The following ZFAT variants were observed in gnomAD, a reference collection of about 807,000 sequenced individuals.
ZFAT encodes zinc finger and AT-hook domain containing.
Under a neutral mutation model 117.7 loss-of-function variants are expected in ZFAT, and 64 were observed. The observed-to-expected ratio is 0.54, with a 90% confidence interval of 0.44 to 0.67. ZFAT has a LOEUF of 0.67. ZFAT is among the 30% of genes least tolerant of loss of function. The probability of loss-of-function intolerance (pLI) is 0.00; values close to 1 mark genes in which losing one functional copy is unlikely to be tolerated. For missense variants in ZFAT, 1,433 were observed against 1,584.5 expected (o/e 0.90, Z 1.62); for synonymous variants, 679 against 615.0 (o/e 1.10, Z -1.54).
chr8:134,658,939 C>T (rs1392152596), intron 1 of ZFAT, among the ~76,000 whole-genome samples: 1 of 152,228 alleles, frequency 6.6e-6, no homozygotes, highest in Non-Finnish European at 1.5e-5. Context: ...CCAGCAGACA[C>T]TCAGAAAGCA....
the ZFAT span, among the ~76,000 whole-genome samples, chr8:134,810,126 C>T: frequency 1.3e-5 from 2 of 152,258 alleles, no homozygotes; most frequent in East Asian, 1.9e-4. Context: ...TTCTATAGTG[C>T]GTTCCATGAT....
rs374372896 is a variant in ZFAT at position 134,602,298 on chromosome 8, C to A, written c.1421G>T (p.Arg474Leu). ...RKKFVSSIRL[R>L]THIKEVHGAA... ...CCCGTGCACCTCTTTGATGTGGGTG[C>A]GCAGCCTGATGGAGCTGACGAACTT... Residue 474 changes from arginine to leucine, a missense_variant, in exon 6 of 16, where the codon CGC becomes CTC. By Grantham distance (102) the Arg-to-Leu change is moderately radical. Transcript: ENST00000377838. 6.2e-6 allele frequency: 10 copies of A among 1,613,830 alleles called. No homozygotes were observed. Among genetic ancestry groups the A allele is most frequent in the Middle Eastern group, 1.6e-4 (1 of 6,084 alleles).
At chr8:134,588,131 A>G (rs1199059463) in intron 9 of ZFAT, 115 bp downstream of exon 9, 2 of 1,253,628 alleles carry the variant, frequency 1.6e-6, no homozygotes, top group Non-Finnish European at 2.2e-6. Flanking sequence ...CAGTGTGCTA[A>G]GGAAATTCTA....
the ZFAT span, among the ~76,000 whole-genome samples, chr8:134,831,327 G>A: frequency 1.3e-5 from 2 of 152,206 alleles, no homozygotes; most frequent in Non-Finnish European, 2.9e-5. Context: ...AAGAACTCAT[G>A]TCAAATCAAG....
At chr8:134,633,389 G>C (rs1830013650) in intron 3 of ZFAT, among the ~76,000 whole-genome samples, 1 of 152,146 alleles carries the variant, frequency 6.6e-6, no homozygotes, top group African/African-American at 2.4e-5. Context: ...TTAAGATAAT[G>C]GCATAAGTGC....
chr8:134,506,038 A>C (rs1448802420), intron 15 of ZFAT, among the ~76,000 whole-genome samples: 1 of 152,212 alleles, frequency 6.6e-6, no homozygotes, highest in Non-Finnish European at 1.5e-5. Context: ...GCCATGAGCC[A>C]CTGGTGATGA....
At chr8:134,768,068 C>A in the ZFAT span, among the ~76,000 whole-genome samples, 1 of 152,160 alleles carries the variant, frequency 6.6e-6, no homozygotes, top group African/African-American at 2.4e-5. Flanking sequence ...TATAGGCATA[C>A]CTTGTTCAAC....
intron 14 of ZFAT, among the ~76,000 whole-genome samples, chr8:134,511,918 C>G (rs1054587335): frequency 2.6e-5 from 4 of 152,186 alleles, no homozygotes; most frequent in Non-Finnish European, 5.9e-5. Flanking sequence ...CCCTGCACGC[C>G]AGAGTCTCTG....
the ZFAT span, among the ~76,000 whole-genome samples, chr8:134,759,076 C>G: frequency 1.3e-5 from 2 of 152,174 alleles, no homozygotes; most frequent in African/African-American, 2.4e-5. Context: ...TCATGAAAGT[C>G]TTTCTTTAGG....
the ZFAT span, among the ~76,000 whole-genome samples, chr8:134,805,245 A>G: frequency 6.2e-5 from 7 of 113,040 alleles, no homozygotes; most frequent in African/African-American, 7.8e-5. Context: ...ATATGCAAAA[A>G]TAAGTTTTCT....
intron 1 of ZFAT, among the ~76,000 whole-genome samples, chr8:134,709,376 A>C (rs187263079): frequency 3.3e-5 from 5 of 152,334 alleles, no homozygotes; most frequent in Admixed American, 3.3e-4. Context: ...TTGCCGGTGA[A>C]GGGACTGGGG....
At chr8:134,823,147 T>G in the ZFAT span, among the ~76,000 whole-genome samples, 1 of 152,156 alleles carries the variant, frequency 6.6e-6, no homozygotes, top group African/African-American at 2.4e-5. Flanking sequence ...GAGAACTAGT[T>G]TCAAATCTCC....
At chr8:134,776,516 C>T in the ZFAT span, among the ~76,000 whole-genome samples, 1 of 152,122 alleles carries the variant, frequency 6.6e-6, no homozygotes, top group African/African-American at 2.4e-5. Context: ...GTTGCCGAGG[C>T]TTCGTTTTTT....
intron 1 of ZFAT, among the ~76,000 whole-genome samples, chr8:134,680,225 G>C (rs1833008617): frequency 7.1e-6 from 1 of 140,596 alleles, no homozygotes; most frequent in Non-Finnish European, 1.5e-5. Flanking sequence ...TCGCACCACT[G>C]TACTCCAGCC....
chr8:134,707,006 G>C (rs1390328311), intron 1 of ZFAT, among the ~76,000 whole-genome samples: 2 of 152,164 alleles, frequency 1.3e-5, no homozygotes, highest in East Asian at 3.9e-4. Context: ...ATAAAGTCCT[G>C]ACAGCTTCCC....
At chr8:134,746,534 A>G in the ZFAT span, among the ~76,000 whole-genome samples, 1 of 152,220 alleles carries the variant, frequency 6.6e-6, no homozygotes, top group African/African-American at 2.4e-5. Flanking sequence ...TTTCTCCACT[A>G]AACTAATGTC....
intron 1 of ZFAT, among the ~76,000 whole-genome samples, chr8:134,676,603 A>G (rs528235767): frequency 2.7e-4 from 41 of 152,326 alleles, no homozygotes; most frequent in Non-Finnish European, 5.6e-4. Flanking sequence ...GACCTAATAG[A>G]TATCTACAGA....
At chr8:134,597,686 T>A (rs1239910273) in intron 7 of ZFAT, 1 of 152,106 alleles carries the variant, frequency 6.6e-6, no homozygotes, top group East Asian at 1.9e-4. Context: ...AAAATCTCAA[T>A]GCCCGACACG....
intron 11 of ZFAT, among the ~76,000 whole-genome samples, chr8:134,539,980 C>A (rs1343504243): frequency 6.6e-6 from 1 of 152,162 alleles, no homozygotes; most frequent in East Asian, 1.9e-4. Context: ...TCCCTGCCTA[C>A]CTGACGGAGA....
Sources: allele counts gnomAD v4.1 joint callset (sites outside exome capture counted in the v4.1 genomes callset), GRCh38; gene constraint gnomAD v4.1.1; transcripts MANE v1.5; gene names NCBI Gene and HGNC (gene_info 2026-07-23, HGNC 2026-07-21).